The following LAMP3 variants were observed in gnomAD, a reference collection of about 807,000 sequenced individuals.
LAMP3 encodes the protein lysosome-associated membrane glycoprotein 3.
Under a neutral mutation model 34.8 loss-of-function variants are expected in LAMP3, and 26 were observed. The observed-to-expected ratio is 0.75, with a 90% CI of 0.55 to 1.04. The LOEUF is 1.04. Among genes scored for constraint, LAMP3 ranks in the 50% least tolerant of loss-of-function variants. The pLI is 0.00. For missense variants in LAMP3, 495 were observed against 524.0 expected (o/e 0.94, Z 0.54); for synonymous variants, 180 against 201.9 (o/e 0.89, Z 0.92).
chr3:183,131,994 C>T (rs1719938542), intron 5 of LAMP3: 1 of 985,244 alleles, frequency 1.0e-6, no homozygotes, highest in Non-Finnish European at 1.2e-6. Flanking sequence ...CTACCTCTTC[C>T]TGCTTGCCAT....
intron 5 of LAMP3, among the ~76,000 whole-genome samples, chr3:183,129,714 C>T (rs1265528592): frequency 1.3e-5 from 2 of 152,052 alleles, no homozygotes; most frequent in African/African-American, 4.8e-5. Flanking sequence ...TCTTTCTGTT[C>T]CTTGAATTAT....
intron 5 of LAMP3, among the ~76,000 whole-genome samples, chr3:183,128,061 T>C (rs1719826374): frequency 2.0e-5 from 3 of 149,522 alleles, no homozygotes; most frequent in Non-Finnish European, 4.4e-5. Context: ...GGCAGGAGAA[T>C]GGCATGAACC....
In LAMP3 at chr3:183,133,865, T is replaced by G. The variant is rs74746463; in HGVS notation, c.1117+1852A>C. On this transcript the variant is annotated intron_variant, in intron 5 of 5. Transcript: ENST00000265598. ...CCATTATCTTTTACAAGGCTCAGCTTTGACACTTGCTGGATTCCTCTCCAG... is the reference window on the plus strand; with the variant it reads ...CCATTATCTTTTACAAGGCTCAGCTGTGACACTTGCTGGATTCCTCTCCAG... Among the ~76,000 whole-genome samples, 30 of 152,324 alleles carry G rather than the reference T, an allele frequency of 2.0e-4. No homozygotes were observed. The East Asian group carries it at 5.8e-3, about 29-fold the overall frequency.
At chr3:183,136,438 G>A (rs1720091695) in intron 4 of LAMP3, among the ~76,000 whole-genome samples, 2 of 151,842 alleles carry the variant, frequency 1.3e-5, no homozygotes, top group Non-Finnish European at 2.9e-5. Context: ...GATCACCTGA[G>A]GTCGGGAGTT....
chr3:183,161,078 C>CTA, intron 1 of LAMP3: 1 of 152,180 alleles, frequency 6.6e-6, no homozygotes, highest in Non-Finnish European at 1.5e-5. Context: ...TAATTGCTGT[C>CTA]CAGGTGCTAC....
intron 5 of LAMP3, 110 bp downstream of exon 5, chr3:183,135,607 G>A: frequency 1.9e-6 from 2 of 1,041,262 alleles, no homozygotes; most frequent in South Asian, 3.0e-5. Flanking sequence ...CACCATCCCA[G>A]GAAGCTCATG....
At chr3:183,156,603 C>T (rs1201392253) in intron 1 of LAMP3, among the ~76,000 whole-genome samples, 1 of 152,180 alleles carries the variant, frequency 6.6e-6, no homozygotes, top group African/African-American at 2.4e-5. Flanking sequence ...TTTTCTATCT[C>T]CCTCCACCAT....
chr3:183,152,936 G>A (rs1246301735), intron 2 of LAMP3, among the ~76,000 whole-genome samples: 1 of 152,110 alleles, frequency 6.6e-6, no homozygotes, highest in African/African-American at 2.4e-5. Flanking sequence ...CAGCACTTTG[G>A]GAGGCCAAGG....
intron 3 of LAMP3, among the ~76,000 whole-genome samples, chr3:183,145,198 G>C (rs1239899106): frequency 2.0e-5 from 3 of 152,124 alleles, no homozygotes; most frequent in Non-Finnish European, 4.4e-5. Context: ...GGAAGGGTCT[G>C]AACAACTTTC....
intron 3 of LAMP3, among the ~76,000 whole-genome samples, chr3:183,142,905 C>T (rs1205369869): frequency 6.6e-6 from 1 of 152,114 alleles, no homozygotes; most frequent in African/African-American, 2.4e-5. Flanking sequence ...TGAACCCGTC[C>T]CTGATGGGCA....
intron 5 of LAMP3, among the ~76,000 whole-genome samples, chr3:183,128,539 G>T (rs11914486): frequency 0.083 from 12,590 of 152,134 alleles, 1,777 homozygotes; most frequent in African/African-American, 0.29. Context: ...TATAAATAAT[G>T]TTGTAATGAA....
In LAMP3 at chr3:183,124,110, A is replaced by T. The variant is rs754784098; in HGVS notation, c.1222T>A (p.Cys408Ser). Residue 408 changes from cysteine (C) to serine (S), a missense_variant, in exon 6 of 6, where the codon TGT becomes AGT. By Grantham distance (112) the Cys-to-Ser change is moderately radical (BLOSUM62 -1). Coordinates refer to ENST00000265598, the MANE Select transcript of LAMP3 (RefSeq NM_014398.4). ...ATTCTCTGGTATCCAGATGATTGAC[A>T]CCTTAGGCGGATTTTATAGACACCC... The part of the protein sequence containing the change: ...GMGVYKIRLR[C>S]QSSGYQRI 6.2e-7 allele frequency: 1 copy of T among 1,613,940 alleles called. No individual in the cohort carries two copies. Among genetic ancestry groups the T allele is most frequent in the African/African-American group, 1.3e-5 (1 of 74,898 alleles).
chr3:183,149,983 G>A (rs368534981), intron 3 of LAMP3, among the ~76,000 whole-genome samples: 4 of 152,116 alleles, frequency 2.6e-5, no homozygotes, highest in Admixed American at 6.6e-5. Context: ...CCTACCTCCC[G>A]GCGAAGGTCA....
rs1317828360 is a variant in LAMP3, at chr3:183,162,644, C to T, written c.12G>A (p.Gln4=). The T allele has an allele frequency of 6.5e-7, 1 of 1,542,166 alleles. No homozygotes were observed. Among genetic ancestry groups the T allele is most frequent in the South Asian group, 1.2e-5 (1 of 83,810 alleles). The change falls in exon 1 of 6, where the codon CAG becomes CAA. Residue 4 remains glutamine, a synonymous_variant. Coordinates refer to ENST00000265598, the MANE Select transcript of LAMP3 (RefSeq NM_014398.4). ...CGAAGAGCGCGGCCGCCGCGCTGAG[C>T]TGCCGGGGCATGGTGGGCGCTGGGC... MPR[Q]LSAAAALFAS...
intron 3 of LAMP3, among the ~76,000 whole-genome samples, chr3:183,142,002 C>G (rs1006748747): frequency 6.6e-6 from 1 of 152,158 alleles, no homozygotes; most frequent in Non-Finnish European, 1.5e-5. Context: ...GGGAGAGGAC[C>G]TGGTTGCCTC....
intron 5 of LAMP3, 43 bp downstream of exon 5, chr3:183,135,673 GT>G: frequency 6.4e-7 from 1 of 1,566,780 alleles, no homozygotes; most frequent in Non-Finnish European, 8.8e-7. Context: ...CTACCCTGGG[GT>G]CTCTAAAGTG....
At position 183,140,678 on chromosome 3, in the gene LAMP3, C is replaced by T. The variant is rs529721391; in HGVS notation, c.889-83G>A. The T allele has an allele frequency of 1.0e-4, 91 of 887,266 alleles. 1 individual carries two copies. The South Asian group carries it at 1.3e-3, about 12-fold the overall frequency. 55.0% of individuals were successfully genotyped at this position (887,266 alleles called of 1,614,324 possible). A position where few individuals can be genotyped will look rare whatever the true frequency, so the allele number is the denominator to read the frequency against. On this transcript the variant is annotated intron_variant, in intron 3 of 5. Transcript: ENST00000265598. ...TGGTTTATAAACTTTGTTTAAGATT[C>T]CAGCTATTAAATCTGGATATAAGGG...
chr3:183,149,560 AAAAAAAAAAAAAAAATATATATATAT>A (rs1448188827), intron 3 of LAMP3, among the ~76,000 whole-genome samples: 31 of 27,586 alleles, frequency 1.1e-3, no homozygotes, highest in African/African-American at 2.7e-3. Flanking sequence ...AAAAAAAAAA[AAAAAAAAAAAAAAAATATATATATAT>A]ATATATATAT....
chr3:183,144,740 G>T (rs1560310054), intron 3 of LAMP3, among the ~76,000 whole-genome samples: 1 of 152,044 alleles, frequency 6.6e-6, no homozygotes, highest in African/African-American at 2.4e-5. Flanking sequence ...CCTGTCTCTA[G>T]AAAAAAATAC....
Sources: allele counts gnomAD v4.1 joint callset (sites outside exome capture counted in the v4.1 genomes callset), GRCh38; gene constraint gnomAD v4.1.1; transcripts MANE v1.5; gene names NCBI Gene and HGNC (gene_info 2026-07-23, HGNC 2026-07-21).